WDR17: variants seen among roughly 807,000 people sequenced by gnomAD.
WDR17 encodes the protein WD repeat domain 17.
A neutral mutation model predicts 161.7 loss-of-function variants in WDR17; 143 were observed. The ratio of observed to expected loss-of-function variants is 0.88; its 90% confidence interval spans 0.77 to 1.02. The LOEUF (loss-of-function observed/expected upper bound fraction) is 1.02. WDR17 is among the 50% of genes least tolerant of loss of function. The pLI is 0.00. For missense variants in WDR17, 1,469 were observed against 1,520.9 expected (o/e 0.97, Z 0.57); for synonymous variants, 517 against 515.6 (o/e 1.00, Z -0.04).
At chr4:176,143,230 C>T (rs1479510868) in intron 11 of WDR17, among the ~76,000 whole-genome samples, 2 of 152,234 alleles carry the variant, frequency 1.3e-5, no homozygotes, top group Non-Finnish European at 2.9e-5. Flanking sequence ...AGCTCATCCC[C>T]AGTATTTCCC....
At chr4:176,071,479 T>C (rs7683630) in intron 1 of WDR17, among the ~76,000 whole-genome samples, 79,418 of 151,948 alleles carry the variant, frequency 0.52, 22,164 homozygotes, top group South Asian at 0.63. Flanking sequence ...CAGGCCATTA[T>C]GCCCAGCTAA....
chr4:176,096,396 GA>G, intron 1 of WDR17: 3 of 661,112 alleles, frequency 4.5e-6, no homozygotes, highest in Non-Finnish European at 7.7e-6. Context: ...CTTTTGTACT[GA>G]ACATCATTTC....
At chr4:176,096,502 T>C in intron 1 of WDR17, 6 of 1,596,874 alleles carry the variant, frequency 3.8e-6, no homozygotes, top group Non-Finnish European at 5.1e-6. Context: ...ATTGCCTTGA[T>C]TAAAGTAGAA....
chr4:176,085,895 T>C (rs1461423039), intron 1 of WDR17, among the ~76,000 whole-genome samples: 1 of 152,020 alleles, frequency 6.6e-6, no homozygotes, highest in Non-Finnish European at 1.5e-5. Flanking sequence ...TGACTTTTCT[T>C]CCTTTTCCTT....
intron 18 of WDR17, among the ~76,000 whole-genome samples, chr4:176,156,429 G>T (rs1046811301): frequency 2.6e-5 from 4 of 152,104 alleles, no homozygotes; most frequent in African/African-American, 9.7e-5. Context: ...TTAATAAATT[G>T]CTATTGAAAT....
intron 11 of WDR17, among the ~76,000 whole-genome samples, chr4:176,144,081 T>A (rs1031367617): frequency 6.6e-6 from 1 of 152,046 alleles, no homozygotes; most frequent in African/African-American, 2.4e-5. Context: ...GCCATCTGAT[T>A]TTCACCCCAA....
At chr4:176,086,229 A>G (rs894987377) in intron 1 of WDR17, among the ~76,000 whole-genome samples, 2 of 151,964 alleles carry the variant, frequency 1.3e-5, no homozygotes, top group African/African-American at 4.8e-5. Context: ...TAATTTTTGT[A>G]AGTAGCCCAT....
intron 10 of WDR17, 25 bp from the exon 11 acceptor site, chr4:176,141,958 A>G (rs1435499278): frequency 6.0e-6 from 9 of 1,500,306 alleles, no homozygotes; most frequent in Admixed American, 1.9e-5. Context: ...TTGTTTTTCT[A>G]TTAACATATT....
chr4:176,080,394 C>T (rs1266091818), intron 1 of WDR17, among the ~76,000 whole-genome samples: 2 of 149,678 alleles, frequency 1.3e-5, no homozygotes, highest in Non-Finnish European at 3.0e-5. Context: ...ATCCCTAGGA[C>T]GTTCTAAAGT....
chr4:176,073,134 A>G (rs1733454915), intron 1 of WDR17, among the ~76,000 whole-genome samples: 2 of 151,994 alleles, frequency 1.3e-5, no homozygotes, highest in Non-Finnish European at 1.5e-5. Context: ...TTTAAGTTTT[A>G]GGGTACATGT....
At chr4:176,154,634 C>A (rs1747776283) in intron 17 of WDR17, among the ~76,000 whole-genome samples, 1 of 152,092 alleles carries the variant, frequency 6.6e-6, no homozygotes, top group African/African-American at 2.4e-5. Flanking sequence ...TACATTGCAA[C>A]TTCTTTCTTC....
chr4:176,174,678 C>G lies in WDR17; in HGVS notation c.3409C>G (p.Gln1137Glu), dbSNP rs1327813004. The G allele has an allele frequency of 1.9e-6, 3 of 1,612,164 alleles. No individual in the cohort carries two copies. Residue 1137 changes from glutamine (Q) to glutamate (E), a missense_variant, in exon 26 of 29, where the codon CAG (glutamine) becomes GAG (glutamate). Gln to Glu is a conservative substitution (Grantham distance 29). Coordinates refer to ENST00000508596, the MANE Select transcript of WDR17 (RefSeq NM_181265.4). ...TGGTGCATTACTGGCTATCAGAAGA[C>G]AGTACCAAAGCATTGTTCCAGCACT... ...YIGALLAIRR[Q>E]YQSIVPALYE... is the part of the protein sequence containing the mutation.
chr4:176,111,672 A>G lies in WDR17; in HGVS notation c.92A>G (p.Tyr31Cys), dbSNP rs1313540515. ...VCAASGDRFA[Y>C]CATLAIYIYQ... is the part of the protein sequence containing the mutation. Reference sequence around the variant, plus strand: ...GCTGCCAGTGGAGACAGGTTTGCATATTGTGCGACCCTGGCTATCTATATT... The same window carrying G: ...GCTGCCAGTGGAGACAGGTTTGCATGTTGTGCGACCCTGGCTATCTATATT... The change falls in exon 2 of 29, where the codon TAT becomes TGT. Residue 31 changes from tyrosine to cysteine, a missense_variant. Physicochemically the swap from Tyr to Cys is radical, Grantham distance 194 (BLOSUM62 -2). Transcript: ENST00000508596. The G allele has an allele frequency of 8.7e-6, 14 of 1,607,278 alleles. No homozygotes were observed. The highest frequency in any genetic ancestry group is 6.7e-5 in the East Asian group (3 of 44,614).
At chr4:176,128,174 A>G (rs1338538898) in intron 5 of WDR17, among the ~76,000 whole-genome samples, 2 of 152,186 alleles carry the variant, frequency 1.3e-5, no homozygotes, top group Non-Finnish European at 2.9e-5. Flanking sequence ...TTTCTCAAGG[A>G]GAGGAATTGC....
intron 8 of WDR17, among the ~76,000 whole-genome samples, chr4:176,137,162 T>C (rs919546166): frequency 3.3e-5 from 5 of 151,480 alleles, no homozygotes; most frequent in Non-Finnish European, 7.4e-5. Context: ...GAAGAATTAT[T>C]GTTAATATTC....
chr4:176,120,973 G>A (rs1741484302), intron 4 of WDR17, among the ~76,000 whole-genome samples: 1 of 151,870 alleles, frequency 6.6e-6, no homozygotes, highest in Admixed American at 6.6e-5. Flanking sequence ...TGAAACATTG[G>A]GGCCATTATA....
intron 4 of WDR17, among the ~76,000 whole-genome samples, chr4:176,124,326 A>G (rs1742098130): frequency 6.6e-6 from 1 of 152,192 alleles, no homozygotes; most frequent in South Asian, 2.1e-4. Context: ...GTGTACATAA[A>G]TTACAAAGAA....
chr4:176,067,811 T>G (rs1732716420), intron 1 of WDR17, among the ~76,000 whole-genome samples: 1 of 152,184 alleles, frequency 6.6e-6, no homozygotes, highest in South Asian at 2.1e-4. Flanking sequence ...CAGTGGCAGT[T>G]TTTTAATTAC....
chr4:176,088,975 G>A (rs1210817016), intron 1 of WDR17, among the ~76,000 whole-genome samples: 2 of 152,112 alleles, frequency 1.3e-5, no homozygotes, highest in African/African-American at 2.4e-5. Flanking sequence ...TAATGGAAAA[G>A]TGAAAAGGAG....
Sources: gnomAD v4.1 joint callset for allele counts (sites outside exome capture counted in the v4.1 genomes callset) on GRCh38, gnomAD v4.1.1 for gene constraint, MANE v1.5 for transcripts, NCBI Gene and HGNC (gene_info 2026-07-23, HGNC 2026-07-21) for gene names.